The following LRRC63 variants were observed in gnomAD, a reference collection of about 807,000 sequenced individuals.
The protein encoded by LRRC63 is leucine rich repeat containing 63, also known as leucine-rich repeat-containing protein 63.
A neutral mutation model predicts 49.5 loss-of-function variants in LRRC63; 40 were observed. The ratio of observed to expected loss-of-function variants is 0.81; its 90% CI spans 0.63 to 1.05. The LOEUF is 1.05. Ranked by LOEUF, LRRC63 falls within the 50% of genes least tolerant of loss-of-function variation. LRRC63 has a pLI of 0.00. For synonymous variants in LRRC63, 191 were observed against 221.1 expected (o/e 0.86, Z 1.21); for missense variants, 636 against 663.1 (o/e 0.96, Z 0.45).
chr13:46,224,467 ATTC>A (rs2046509881), intron 2 of LRRC63, among the ~76,000 whole-genome samples: 1 of 152,106 alleles, frequency 6.6e-6, no homozygotes, highest in Non-Finnish European at 1.5e-5. Flanking sequence ...CATATCCTGA[ATTC>A]TTCTTCTGAA....
intron 7 of LRRC63, among the ~76,000 whole-genome samples, chr13:46,260,526 C>T (rs557102008): frequency 6.6e-6 from 1 of 152,210 alleles, no homozygotes; most frequent in South Asian, 2.1e-4. Context: ...AATCCGTGCC[C>T]TCTAGAAGCT....
intron 9 of LRRC63, among the ~76,000 whole-genome samples, chr13:46,268,133 A>T (rs931576993): frequency 6.6e-6 from 1 of 152,212 alleles, no homozygotes; most frequent in African/African-American, 2.4e-5. Flanking sequence ...CTAGGATATG[A>T]GTATTGCAAC....
chr13:46,228,857 C>A, intron 4 of LRRC63, 124 bp downstream of exon 4: 1 of 631,376 alleles, frequency 1.6e-6, no homozygotes, highest in South Asian at 2.3e-5. Context: ...ATATGTCTTA[C>A]CTCATTTTCA....
At chr13:46,271,721 T>TAA (rs56215272) in intron 9 of LRRC63, among the ~76,000 whole-genome samples, 5,024 of 131,940 alleles carry the variant, frequency 0.038, 273 homozygotes, top group African/African-American at 0.13. Flanking sequence ...TCATTTAAAC[T>TAA]AAAAAAAAAA....
chr13:46,266,771 GT>G lies in LRRC63; in HGVS notation c.1355del (p.Phe452SerfsTer6), dbSNP rs778311228. On this transcript the variant is annotated frameshift_variant, in exon 9 of 10. Coordinates refer to ENST00000595396, the Ensembl canonical transcript of LRRC63. LOFTEE classifies it high-confidence loss of function. ...CTGACTGTTGATGGGAATGAACTGA[GT>G]TTTTTCCCCCATGGAATTTTGAAGC... is the stretch of plus-strand genomic sequence containing the variant. 7.7e-6 allele frequency: 12 copies of G among 1,549,846 alleles called. No individual in the cohort carries two copies. In the South Asian group the frequency reaches 1.3e-4, roughly 17 times the overall value.
exon 9 of LRRC63, chr13:46,266,776 T>C (rs913143469): frequency 2.6e-6 from 4 of 1,550,020 alleles, no homozygotes; most frequent in Non-Finnish European, 2.6e-6. Flanking sequence ...ACTGAGTTTT[T>C]TCCCCCATGG....
chr13:46,255,469 G>C (rs1000779014), intron 7 of LRRC63, among the ~76,000 whole-genome samples: 2 of 151,686 alleles, frequency 1.3e-5, no homozygotes, highest in Non-Finnish European at 2.9e-5. Context: ...AAAATACATA[G>C]AGCCTGGGCA....
At chr13:46,234,194 C>T (rs575083238) in exon 5 of LRRC63, 2 of 1,547,160 alleles carry the variant, frequency 1.3e-6, no homozygotes, top group African/African-American at 2.7e-5. Context: ...TTATTTAGGT[C>T]TCACCAAAAC....
At chr13:46,236,591 C>T (rs900541185) in intron 5 of LRRC63, among the ~76,000 whole-genome samples, 4 of 152,058 alleles carry the variant, frequency 2.6e-5, no homozygotes, top group African/African-American at 9.7e-5. Flanking sequence ...CCTTCAAAAA[C>T]AAAGGAGTAA....
At chr13:46,258,613 T>A (rs183400479) in intron 7 of LRRC63, among the ~76,000 whole-genome samples, 54 of 150,518 alleles carry the variant, frequency 3.6e-4, no homozygotes, top group African/African-American at 1.3e-3. Context: ...ATCGAGACCA[T>A]CCTGGCCAAC....
At chr13:46,244,899 A>G (rs916077908) in intron 5 of LRRC63, among the ~76,000 whole-genome samples, 1 of 152,194 alleles carries the variant, frequency 6.6e-6, no homozygotes, top group African/African-American at 2.4e-5. Context: ...TAAACACCAC[A>G]ATAAAAAAAA....
chr13:46,254,590 C>CCTATAATGCAT (rs1332583959), intron 7 of LRRC63, among the ~76,000 whole-genome samples: 1 of 152,108 alleles, frequency 6.6e-6, no homozygotes, highest in Admixed American at 6.5e-5. Context: ...TATAATGCAT[C>CCTATAATGCAT]AGTTGAGAGA....
chr13:46,213,923 C>A (rs951953251), intron 2 of LRRC63, among the ~76,000 whole-genome samples: 10 of 152,108 alleles, frequency 6.6e-5, no homozygotes, highest in Non-Finnish European at 8.8e-5. Flanking sequence ...CAAAAACAGA[C>A]CTTACCTGTT....
intron 2 of LRRC63, among the ~76,000 whole-genome samples, chr13:46,221,423 T>C (rs2138371407): frequency 6.6e-6 from 1 of 152,318 alleles, no homozygotes; most frequent in South Asian, 2.1e-4. Context: ...GTAGATCCTG[T>C]TCACTTAGAT....
chr13:46,235,113 G>T (rs192877171), intron 5 of LRRC63, among the ~76,000 whole-genome samples: 1 of 152,004 alleles, frequency 6.6e-6, no homozygotes, highest in African/African-American at 2.4e-5. Context: ...TTCACATTTC[G>T]CTGACCTCTA....
At chr13:46,259,945 T>C (rs1297066442) in intron 7 of LRRC63, among the ~76,000 whole-genome samples, 1 of 152,194 alleles carries the variant, frequency 6.6e-6, no homozygotes, top group Non-Finnish European at 1.5e-5. Context: ...AATAATTTGC[T>C]AATAAATCAA....
At chr13:46,259,181 T>G (rs576783882) in intron 7 of LRRC63, among the ~76,000 whole-genome samples, 1 of 152,294 alleles carries the variant, frequency 6.6e-6, no homozygotes, top group East Asian at 1.9e-4. Flanking sequence ...AGAACTTTAT[T>G]ACTATGAAAA....
intron 9 of LRRC63, among the ~76,000 whole-genome samples, chr13:46,274,906 A>C (rs1424754581): frequency 6.6e-6 from 1 of 152,134 alleles, no homozygotes; most frequent in Non-Finnish European, 1.5e-5. Context: ...ATTGTTAACT[A>C]TATTCACCTA....
intron 9 of LRRC63, among the ~76,000 whole-genome samples, chr13:46,273,601 TAA>T (rs66994107): frequency 1.1e-3 from 115 of 109,424 alleles, no homozygotes; most frequent in African/African-American, 3.1e-3. Context: ...GAATCTGCCT[TAA>T]AAAAAAAAAA....
Sources: allele counts gnomAD v4.1 joint callset (sites outside exome capture counted in the v4.1 genomes callset), GRCh38; gene constraint gnomAD v4.1.1; transcripts MANE v1.5; gene names NCBI Gene and HGNC (gene_info 2026-07-23, HGNC 2026-07-21).